WNT8A: variants seen among roughly 807,000 people sequenced by gnomAD.
WNT8A encodes the protein Wnt family member 8A, also known as protein Wnt-8a.
In WNT8A, 14 loss-of-function variants were observed where a neutral mutation model predicts 20.5. That is an observed-to-expected ratio of 0.68 (90% confidence interval 0.45 to 1.07). The LOEUF (loss-of-function observed/expected upper bound fraction) is 1.07. WNT8A is among the 50% of genes least tolerant of loss of function. The pLI is 0.00. For missense variants in WNT8A, 397 were observed against 462.9 expected, an observed-to-expected ratio of 0.86 and a Z score of 1.31; for synonymous variants, 167 against 169.2, an observed-to-expected ratio of 0.99 and a Z score of 0.10.
intron 2 of WNT8A, among the ~76,000 whole-genome samples, chr5:138,086,186 G>A (rs1400642585): frequency 6.6e-6 from 1 of 152,112 alleles, no homozygotes; most frequent in Non-Finnish European, 1.5e-5. Context: ...CAATTGGAAA[G>A]TGGTCTTGTT....
chr5:138,090,269 T>G, intron 4 of WNT8A, among the ~76,000 whole-genome samples: 1 of 152,188 alleles, frequency 6.6e-6, no homozygotes, highest in African/African-American at 2.4e-5. Flanking sequence ...TCTAGTAACC[T>G]TCTCAGCTCT....
At position 138,084,921 on chromosome 5, in the gene WNT8A, G is replaced by GTAGGAAAT. The variant is rs1377249793; in HGVS notation, c.295+288_295+295dup. Among the ~76,000 whole-genome samples, 8 of 152,060 alleles carry GTAGGAAAT rather than the reference G, an allele frequency of 5.3e-5. No individual in the cohort carries two copies. The East Asian group carries it at 1.5e-3, about 29-fold the overall frequency. On this transcript the variant is annotated intron_variant, in intron 2 of 4. Coordinates refer to ENST00000506684, the MANE Select transcript of WNT8A (RefSeq NM_001300939.2). ...AGGTGTCTCTATGTATGAGATAAAT[G>GTAGGAAAT]TAGGAAATTACTCTTTTTTTTTTTT...
chr5:138,084,104 T>C lies in WNT8A; in HGVS notation c.-24T>C, dbSNP rs765162098. ...TAGGCAGGGCGATGGGGAACCTGTT[T>C]ATGCTCTGGGCAGCTCTGGGCATAT... On this transcript the variant is annotated 5_prime_UTR_variant, in exon 1 of 5. Coordinates refer to ENST00000506684, the MANE Select transcript of WNT8A (RefSeq NM_001300939.2). The C allele has an allele frequency of 7.4e-6, 12 of 1,613,752 alleles. No homozygotes were observed. The South Asian group carries it at 1.2e-4, about 16-fold the overall frequency.
upstream of WNT8A, among the ~76,000 whole-genome samples, chr5:138,081,112 G>C (rs1389510574): frequency 6.6e-6 from 1 of 151,772 alleles, no homozygotes; most frequent in Non-Finnish European, 1.5e-5. Context: ...TGTAGTCCCA[G>C]CTACTCGGGA....
rs1561576004 is a variant in WNT8A, at chr5:138,087,671, AAAAG to A, written c.296-127_296-124del. 917 of 829,332 alleles carry A rather than the reference AAAAG, an allele frequency of 1.1e-3. 3 individuals are homozygous for A. The highest frequency in any genetic ancestry group is 1.3e-3 in the Non-Finnish European group (762 of 579,020). 51.4% of individuals were successfully genotyped at this position (829,332 alleles called of 1,614,324 possible). A position where few individuals can be genotyped will look rare whatever the true frequency, so the allele number is the denominator to read the frequency against. Reference sequence around the variant, plus strand: ...TCTCAAAAAAAAAAAAAAAAAAAAAAAAAGAAAGAAAAGCATCCTCTTAAACCCA... The same window carrying A: ...TCTCAAAAAAAAAAAAAAAAAAAAAAAAAGAAAAGCATCCTCTTAAACCCA... On this transcript the variant is annotated intron_variant, in intron 2 of 4. Transcript: ENST00000506684.
At chr5:138,077,959 C>G in the WNT8A span, among the ~76,000 whole-genome samples, 1 of 152,094 alleles carries the variant, frequency 6.6e-6, no homozygotes, top group Admixed American at 6.6e-5. Flanking sequence ...CCTCACAGGC[C>G]CATGCATCCA....
chr5:138,082,854 C>T (rs186078167), upstream of WNT8A, among the ~76,000 whole-genome samples: 29 of 148,514 alleles, frequency 2.0e-4, no homozygotes, highest in East Asian at 2.0e-3. Context: ...TCCAGCCTGG[C>T]GACAGAGTGA....
upstream of WNT8A, among the ~76,000 whole-genome samples, chr5:138,080,444 G>GTT (rs371833243): frequency 0.049 from 2,692 of 55,052 alleles, 78 homozygotes; most frequent in South Asian, 0.06. Flanking sequence ...TGTAAATCTT[G>GTT]TTTTTTTTTT....
rs747207388 is a variant in WNT8A, at chr5:138,084,274, AG to A, written c.149del (p.Gly50ValfsTer6). The A allele has an allele frequency of 1.2e-6, 2 of 1,614,088 alleles. No homozygotes were observed. Among genetic ancestry groups the A allele is most frequent in the South Asian group, 2.2e-5 (2 of 91,076 alleles). On this transcript the variant is annotated frameshift_variant, in exon 1 of 5. Transcript: ENST00000506684. LOFTEE classifies it high-confidence loss of function. Reference protein sequence around the residue: ...GRSVNNFLITGPKAYLTYTTS... With the variant: ...GRSVNNFLITXPKAYLTYTTS... ...GGTCAGTGAACAATTTCCTGATAAC[AG>A]GTCCCAAGGTAGGATGATCTCCAGC...
Position 138,084,081 on chromosome 5 carries a change from G to A in WNT8A, c.-47G>A. 6.8e-6 allele frequency: 11 copies of A among 1,611,218 alleles called. No individual in the cohort carries two copies. The highest frequency in any genetic ancestry group is 9.3e-6 in the Non-Finnish European group (11 of 1,177,982). On this transcript the variant is annotated 5_prime_UTR_variant, in exon 1 of 5. Transcript: ENST00000506684. The stretch of plus-strand genomic sequence containing the variant: ...GAGCTGGACCTGGTCCACTGGGGTA[G>A]GCAGGGCGATGGGGAACCTGTTTAT...
intron 4 of WNT8A, 23 bp from the exon 5 acceptor site, chr5:138,090,505 T>C (rs749700171): frequency 1.6e-5 from 25 of 1,606,288 alleles, no homozygotes; most frequent in Non-Finnish European, 1.9e-5. Flanking sequence ...AGAGCCATTC[T>C]CTTTTGTGTT....
At chr5:138,087,767 G>C (rs978513377) in intron 2 of WNT8A, 39 bp from the exon 3 acceptor site, 1 of 1,607,234 alleles carries the variant, frequency 6.2e-7, no homozygotes, top group African/African-American at 1.3e-5. Flanking sequence ...GGGTAATCAG[G>C]GTCCAGGTTT....
chr5:138,083,284 A>C (rs2151143484), upstream of WNT8A, among the ~76,000 whole-genome samples: 1 of 620 alleles, frequency 1.6e-3, no homozygotes, highest in East Asian at 0.12. Context: ...CTCTGTCTCA[A>C]AAAAAAAAAA....
upstream of WNT8A, among the ~76,000 whole-genome samples, chr5:138,083,282 C>CA (rs5871664): frequency 2.0e-4 from 25 of 124,610 alleles, no homozygotes; most frequent in African/African-American, 6.2e-4. Context: ...GACTCTGTCT[C>CA]AAAAAAAAAA....
At chr5:138,089,092 G>C in intron 4 of WNT8A, 23 bp downstream of exon 4, 1 of 1,607,332 alleles carries the variant, frequency 6.2e-7, no homozygotes, top group Non-Finnish European at 8.5e-7. Flanking sequence ...ATTGTGGCCA[G>C]TATTTCTACA....
Position 138,087,818 on chromosome 5 carries a change from C to T in WNT8A, c.308C>T (p.Thr103Ile), listed in dbSNP as rs1197280106. The T allele has an allele frequency of 6.2e-7, 1 of 1,613,846 alleles. No homozygotes were observed. Among genetic ancestry groups the T allele is most frequent in the Non-Finnish European group, 8.5e-7 (1 of 1,179,914 alleles). Residue 103 changes from threonine (T) to isoleucine (I), a missense_variant, in exon 3 of 5, where the codon ACT becomes ATT. Coordinates refer to ENST00000506684, the MANE Select transcript of WNT8A (RefSeq NM_001300939.2). ...TCTCTCTCCAAAGCTACCAGAGAGA[C>T]TTCCTTCATACATGCTATCAGCTCT... is the stretch of plus-strand genomic sequence containing the variant. ...HNRLRSATRE[T>I]SFIHAISSAG... is the part of the protein sequence containing the mutation.
chr5:138,088,109 T>C (rs1049794318), intron 3 of WNT8A, among the ~76,000 whole-genome samples, 178 bp downstream of exon 3: 2 of 152,152 alleles, frequency 1.3e-5, no homozygotes, highest in Non-Finnish European at 2.9e-5. Context: ...CCTGGGTCCA[T>C]GAGTCTAGGT....
At chr5:138,084,304 T>C in intron 1 of WNT8A, 21 bp downstream of exon 1, 1 of 1,613,448 alleles carries the variant, frequency 6.2e-7, no homozygotes, top group South Asian at 1.1e-5. Context: ...CTCCAGCTTC[T>C]GTTTTTACCC....
At chr5:138,085,744 C>T (rs898211959) in intron 2 of WNT8A, among the ~76,000 whole-genome samples, 15 of 150,770 alleles carry the variant, frequency 9.9e-5, no homozygotes, top group Admixed American at 5.3e-4. Context: ...GTCCCAGAGA[C>T]CTGGAAGGCT....
Sources: gnomAD v4.1 joint callset for allele counts (sites outside exome capture counted in the v4.1 genomes callset) on GRCh38, gnomAD v4.1.1 for gene constraint, MANE v1.5 for transcripts, NCBI Gene and HGNC (gene_info 2026-07-23, HGNC 2026-07-21) for gene names.